Variants in DDX39B observed in about 807,000 individuals in gnomAD.
DDX39B encodes DExD-box helicase 39B.
A neutral mutation model predicts 46.4 loss-of-function variants in DDX39B; 6 were observed. That is an observed-to-expected ratio of 0.13 (90% CI 0.07 to 0.26). The LOEUF is 0.26. Ranked by LOEUF, DDX39B falls within the 10% of genes least tolerant of loss-of-function variation. DDX39B has a pLI of 1.00. For synonymous variants in DDX39B, 174 were observed against 199.4 expected (o/e 0.87, Z 1.07); for missense variants, 185 against 553.4 (o/e 0.33, Z 6.68).
Position 31,540,541 on chromosome 6 carries a change from C to A in DDX39B, c.-9G>T. ...ACATCGTTCTCTGCCATAACTGGGCCGGCAGGGGAAGAAGGGAAGGGGGAT... is the reference window on the plus strand; with the variant it reads ...ACATCGTTCTCTGCCATAACTGGGCAGGCAGGGGAAGAAGGGAAGGGGGAT... On this transcript the variant is annotated 5_prime_UTR_variant, in exon 2 of 11. Coordinates refer to ENST00000396172, the MANE Select transcript of DDX39B (RefSeq NM_004640.7). The A allele has an allele frequency of 1.2e-6, 2 of 1,613,412 alleles. No individual in the cohort carries two copies. The highest frequency in any genetic ancestry group is 1.7e-6 in the Non-Finnish European group (2 of 1,179,712).
chr6:31,538,686 G>C (rs2150341898), intron 4 of DDX39B, 77 bp downstream of exon 4: 1 of 1,318,664 alleles, frequency 7.6e-7, no homozygotes, highest in East Asian at 2.3e-5. Flanking sequence ...CAAAATTAAA[G>C]AGACTATTGG....
intron 3 of DDX39B, 45 bp downstream of exon 3, chr6:31,539,102 T>C (rs1275145804): frequency 2.9e-5 from 47 of 1,613,360 alleles, no homozygotes; most frequent in Non-Finnish European, 3.8e-5. Flanking sequence ...CCTTCCCTTA[T>C]AGTCCTAACC....
At position 31,540,540 on chromosome 6, in the gene DDX39B, C is replaced by T. The variant is rs770768007; in HGVS notation, c.-8G>A. ...CACATCGTTCTCTGCCATAACTGGG[C>T]CGGCAGGGGAAGAAGGGAAGGGGGA... On this transcript the variant is annotated 5_prime_UTR_variant, in exon 2 of 11. Coordinates refer to ENST00000396172, the MANE Select transcript of DDX39B (RefSeq NM_004640.7). The T allele has an allele frequency of 1.9e-6, 3 of 1,613,456 alleles. No individual in the cohort carries two copies. The South Asian group carries it at 3.3e-5, about 18-fold the overall frequency.
Position 31,532,920 on chromosome 6 carries a change from G to T in DDX39B, c.736-9C>A. 3.7e-6 allele frequency: 4 copies of T among 1,073,454 alleles called. No homozygotes were observed. Among genetic ancestry groups the T allele is most frequent in the Non-Finnish European group, 5.3e-6 (4 of 757,542 alleles). 66.5% of individuals were successfully genotyped at this position (1,073,454 alleles called of 1,614,324 possible). On this transcript the variant is annotated splice_polypyrimidine_tract_variant and intron_variant, in intron 6 of 10. Coordinates refer to ENST00000396172, the MANE Select transcript of DDX39B (RefSeq NM_004640.7). ...ACGAAGATCTCCATTGGCTGGGGGG[G>T]AGGAAGGGGGTGGGGAACGGGAGGA...
Position 31,532,923 on chromosome 6 carries a change from G to T in DDX39B, c.736-12C>A. ...AAGATCTCCATTGGCTGGGGGGGAG[G>T]AAGGGGGTGGGGAACGGGAGGAGGG... On this transcript the variant is annotated splice_polypyrimidine_tract_variant and intron_variant, in intron 6 of 10. Transcript: ENST00000396172. The T allele has an allele frequency of 3.0e-6, 2 of 673,886 alleles. No homozygotes were observed. Among genetic ancestry groups the T allele is most frequent in the Non-Finnish European group, 4.9e-6 (2 of 404,876 alleles). The allele number at this position is 673,886 out of a possible 1,614,324, so 41.7% of individuals were successfully genotyped here. A position where few individuals can be genotyped will look rare whatever the true frequency, so the allele number is the denominator to read the frequency against.
chr6:31,541,706 G>A (rs977223315), intron 1 of DDX39B: 6 of 556,468 alleles, frequency 1.1e-5, no homozygotes, highest in Non-Finnish European at 1.8e-5. Context: ...CCCATTGGAA[G>A]AAGGGAGCAA....
rs746582265 is a variant in DDX39B, at chr6:31,531,038, G to A, written c.1122+15C>T. 10 of 1,613,998 alleles carry A rather than the reference G, an allele frequency of 6.2e-6. No homozygotes were observed. The Admixed American group carries it at 1.5e-4, about 24-fold the overall frequency. ...GGAATGGGAGAGTGGGATTTTTTCA[G>A]CCTGTGAGGTTTACCCGATGCAGGT... On this transcript the variant is annotated intron_variant, in intron 9 of 10. Transcript: ENST00000396172. The surrounding 1 kb of genome is among the most constrained non-coding windows in gnomAD (Gnocchi z 5.8).
At position 31,540,618 on chromosome 6, in the gene DDX39B, T is replaced by C. The variant is rs776712734; in HGVS notation, c.-86A>G. The stretch of plus-strand genomic sequence containing the variant: ...AAAACAAGGGGTGAAGAGTAGGGGA[T>C]TGAGGAACAGCAAAGGAAAACAAAG... On this transcript the variant is annotated 5_prime_UTR_variant, in exon 2 of 11. Transcript: ENST00000396172. 4.0e-5 allele frequency: 51 copies of C among 1,270,074 alleles called. 1 individual carries two copies. The highest frequency in any genetic ancestry group is 8.6e-5 in the South Asian group (7 of 81,710). 78.7% of individuals were successfully genotyped at this position (1,270,074 alleles called of 1,614,324 possible).
At chr6:31,539,358 T>C in intron 2 of DDX39B, 84 bp from the exon 3 acceptor site, 1 of 1,547,492 alleles carries the variant, frequency 6.5e-7, no homozygotes, top group Non-Finnish European at 8.8e-7. Context: ...GCCCATTTCT[T>C]ACCACTCAAT....
intron 5 of DDX39B, among the ~76,000 whole-genome samples, chr6:31,536,054 C>G (rs17200712): frequency 0.011 from 1,675 of 152,246 alleles, 27 homozygotes; most frequent in African/African-American, 0.038. Flanking sequence ...CACTAGAATA[C>G]CACATCACAC....
chr6:31,534,700 C>T lies in DDX39B; in HGVS notation c.735+667G>A. 2.8e-6 allele frequency: 1 copy of T among 355,418 alleles called. No homozygotes were observed. The highest frequency in any genetic ancestry group is 2.2e-5 in the South Asian group (1 of 45,592). The allele number at this position is 355,418 out of a possible 1,614,324, so 22.0% of individuals were successfully genotyped here. A position where few individuals can be genotyped will look rare whatever the true frequency, so the allele number is the denominator to read the frequency against. On this transcript the variant is annotated intron_variant, in intron 6 of 10. Transcript: ENST00000396172. This position sits in a 1 kb window ranked among gnomAD's most constrained non-coding sequence, Gnocchi z 5.1. ...CAGGTTTCCCCGCGGCCTCCGCTGC[C>T]GCCATCCACCGCTGGGTGCCGTCTG...
chr6:31,530,588 A>G lies in DDX39B; in HGVS notation c.1271-138T>C, dbSNP rs1226950960. On this transcript the variant is annotated intron_variant, in intron 10 of 10. Coordinates refer to ENST00000396172, the MANE Select transcript of DDX39B (RefSeq NM_004640.7). This position sits in a 1 kb window ranked among gnomAD's most constrained non-coding sequence, Gnocchi z 4.5. The stretch of plus-strand genomic sequence containing the variant: ...GTGGGGGTGAGGGAAGGGATGTAAT[A>G]TGATGAGAGAAGACAAGACACCCCA... The G allele has an allele frequency of 3.9e-6, 5 of 1,286,138 alleles. No homozygotes were observed. The highest frequency in any genetic ancestry group is 5.3e-6 in the Non-Finnish European group (5 of 940,354). 79.7% of individuals were successfully genotyped at this position (1,286,138 alleles called of 1,614,324 possible).
Position 31,540,564 on chromosome 6 carries a change from G to C in DDX39B, c.-32C>G. ...GCCGGCAGGGGAAGAAGGGAAGGGG[G>C]ATCTGGATGGGTTCTCGCAAAATAG... is the stretch of plus-strand genomic sequence containing the variant. On this transcript the variant is annotated 5_prime_UTR_variant, in exon 2 of 11. In the 5' UTR this introduces an upstream ATG that the reference lacks. Coordinates refer to ENST00000396172, the MANE Select transcript of DDX39B (RefSeq NM_004640.7). 5.0e-6 allele frequency: 8 copies of C among 1,610,094 alleles called. No homozygotes were observed. Among genetic ancestry groups the C allele is most frequent in the Non-Finnish European group, 5.9e-6 (7 of 1,177,488 alleles).
chr6:31,535,511 A>G lies in DDX39B; in HGVS notation c.617-26T>C, dbSNP rs1471608349. The stretch of plus-strand genomic sequence containing the variant: ...CTACAAGAACAAGGAAAAAAATTGT[A>G]GGAGAAAATAAGCAGGTATGATAAA... On this transcript the variant is annotated intron_variant, in intron 5 of 10. Coordinates refer to ENST00000396172, the MANE Select transcript of DDX39B (RefSeq NM_004640.7). This position sits in a 1 kb window ranked among gnomAD's most constrained non-coding sequence, Gnocchi z 4.6. The G allele has an allele frequency of 1.5e-5, 23 of 1,584,252 alleles. No individual in the cohort carries two copies. Among genetic ancestry groups the G allele is most frequent in the Non-Finnish European group, 2.0e-5 (23 of 1,154,830 alleles).
rs539689423 is a variant in DDX39B at position 31,539,410 on chromosome 6, A to G, written c.212-136T>C. Reference sequence around the variant, plus strand: ...TTACCTGGTTCTTGCCAACTTCCAGACCCATTTTACCTCTCTCTGCTCAAT... The same window carrying G: ...TTACCTGGTTCTTGCCAACTTCCAGGCCCATTTTACCTCTCTCTGCTCAAT... On this transcript the variant is annotated intron_variant, in intron 2 of 10. Transcript: ENST00000396172. 905 of 1,236,338 alleles carry G rather than the reference A, an allele frequency of 7.3e-4. 1 individual carries two copies. The highest frequency in any genetic ancestry group is 8.3e-4 in the Non-Finnish European group (748 of 902,394). 76.6% of individuals were successfully genotyped at this position (1,236,338 alleles called of 1,614,324 possible).
intron 6 of DDX39B, 186 bp from the exon 7 acceptor site, chr6:31,533,097 A>G (rs1767374043): frequency 5.7e-6 from 3 of 524,656 alleles, no homozygotes; most frequent in African/African-American, 1.9e-5. Flanking sequence ...CATTACATCT[A>G]ATTTCCTTCC....
chr6:31,530,949 A>G lies in DDX39B; in HGVS notation c.1123-23T>C. ...CACCTGGAGGGAGACAGAGGGTAGC[A>G]CTGGAAGACCGAAGAGGAAAGAGAC... is the stretch of plus-strand genomic sequence containing the variant. On this transcript the variant is annotated intron_variant, in intron 9 of 10. Transcript: ENST00000396172. This position sits in a 1 kb window ranked among gnomAD's most constrained non-coding sequence, Gnocchi z 4.5. 6.2e-7 allele frequency: 1 copy of G among 1,614,094 alleles called. No homozygotes were observed. The highest frequency in any genetic ancestry group is 8.5e-7 in the Non-Finnish European group (1 of 1,179,950).
chr6:31,531,367 G>A lies in DDX39B; in HGVS notation c.906C>T (p.Ala302=). The change falls in exon 8 of 11, where the codon GCC becomes GCT. Residue 302 remains alanine (A), a synonymous_variant. Coordinates refer to ENST00000396172, the MANE Select transcript of DDX39B (RefSeq NM_004640.7). This position sits in a 1 kb window ranked among gnomAD's most constrained non-coding sequence, Gnocchi z 5.8. ...IFVKSVQRCI[A]LAQLLVEQNF... is the part of the protein sequence containing the mutation. Reference sequence around the variant, plus strand: ...TCTGCTCCACTAGTAGCTGGGCCAAGGCAATGCACCGCTGCACAGACTTCA... The same window carrying A: ...TCTGCTCCACTAGTAGCTGGGCCAAAGCAATGCACCGCTGCACAGACTTCA... 1 of 1,614,178 alleles carries A rather than the reference G, an allele frequency of 6.2e-7. No homozygotes were observed. Among genetic ancestry groups the A allele is most frequent in the Non-Finnish European group, 8.5e-7 (1 of 1,180,034 alleles).
Position 31,540,384 on chromosome 6 carries a change from A to G in DDX39B, c.149T>C (p.Phe50Ser). 1 of 1,614,224 alleles carries G rather than the reference A, an allele frequency of 6.2e-7. No individual in the cohort carries two copies. The highest frequency in any genetic ancestry group is 8.5e-7 in the Non-Finnish European group (1 of 1,180,040). The change falls in exon 2 of 11, where the codon TTC becomes TCC. Residue 50 changes from phenylalanine (F) to serine (S), a missense_variant. Around this residue, in one of 5 missense-constraint regions of DDX39B, gnomAD observed 18 missense variants for 120.1 expected, o/e 0.15. Coordinates refer to ENST00000396172, the MANE Select transcript of DDX39B (RefSeq NM_004640.7). ...CCGGAGCAACTCTGGCTTGAGCAGGAAGTCACGAAAGCCAGAGCTGTGGAT... is the reference window on the plus strand; with the variant it reads ...CCGGAGCAACTCTGGCTTGAGCAGGGAGTCACGAAAGCCAGAGCTGTGGAT... The part of the protein sequence containing the change: ...VSIHSSGFRD[F>S]LLKPELLRAI...
Sources: gnomAD v4.1 joint callset for allele counts (sites outside exome capture counted in the v4.1 genomes callset) on GRCh38, gnomAD v4.1.1 for gene constraint, gnomAD v4.1.1 regional missense constraint, Gnocchi (gnomAD v3.1) non-coding constraint, MANE v1.5 for transcripts, NCBI Gene and HGNC (gene_info 2026-07-23, HGNC 2026-07-21) for gene names.